TCF3: variants seen among roughly 807,000 people sequenced by gnomAD.
TCF3 encodes the protein transcription factor E2-alpha.
TCF3 carries 54 observed loss-of-function variants against 72.3 expected under a neutral mutation model. That is an observed-to-expected ratio of 0.75 (90% CI 0.60 to 0.94). The LOEUF (loss-of-function observed/expected upper bound fraction) is 0.94, where lower values mean the gene tolerates loss of function less well. Ranked by LOEUF, TCF3 falls within the 40% of genes least tolerant of loss-of-function variation. The probability of loss-of-function intolerance (pLI) is 0.00; values close to 1 mark genes in which losing one functional copy is unlikely to be tolerated. For synonymous variants in TCF3, 525 were observed against 412.6 expected, an observed-to-expected ratio of 1.27 and a Z score of -3.30; for missense variants, 1,078 against 934.4, an observed-to-expected ratio of 1.15 and a Z score of -2.00.
Position 1,621,205 on chromosome 19 carries a change from G to A in TCF3, c.956-14C>T. Reference sequence around the variant, plus strand: ...TCCCTCGGGAGCCTGTGGGTGAAGAGAGGTGAGGCCCACGCAGCCCGGCCT... The same window carrying A: ...TCCCTCGGGAGCCTGTGGGTGAAGAAAGGTGAGGCCCACGCAGCCCGGCCT... On this transcript the variant is annotated splice_polypyrimidine_tract_variant and intron_variant, in intron 11 of 18. Coordinates refer to ENST00000262965, the MANE Select transcript of TCF3 (RefSeq NM_003200.5). 1 of 1,534,414 alleles carries A rather than the reference G, an allele frequency of 6.5e-7. No homozygotes were observed.
Position 1,649,962 on chromosome 19 carries a change from C to A in TCF3, c.72+215G>T, listed in dbSNP as rs182572650. Among the ~76,000 whole-genome samples the A allele has an allele frequency of 5.9e-5, 9 of 152,352 alleles. No homozygotes were observed. In the East Asian group the frequency reaches 1.7e-3, roughly 29 times the overall value. ...CTGTAAAGCAGTAGGCTGTAGAATGCTGCGTCCGGGCAAAAGCCCCATAGC... is the reference window on the plus strand; with the variant it reads ...CTGTAAAGCAGTAGGCTGTAGAATGATGCGTCCGGGCAAAAGCCCCATAGC... On this transcript the variant is annotated intron_variant, in intron 2 of 18. Transcript: ENST00000262965.
In TCF3 at chr19:1,612,195, C is replaced by T. The variant is rs201076693; in HGVS notation, c.1823-346G>A. 8.3e-6 allele frequency: 13 copies of T among 1,564,686 alleles called. No individual in the cohort carries two copies. Among genetic ancestry groups the T allele is most frequent in the African/African-American group, 1.3e-5 (1 of 74,244 alleles). ...GAGAGGGTGCTGGGGCAGCCCTGGC[C>T]GGGGAGCCTACCTCGCACCTGCTGC... is the stretch of plus-strand genomic sequence containing the variant. On this transcript the variant is annotated intron_variant, in intron 18 of 18. Coordinates refer to ENST00000262965, the MANE Select transcript of TCF3 (RefSeq NM_003200.5).
chr19:1,624,386 C>G (rs2062627818), intron 7 of TCF3, among the ~76,000 whole-genome samples: 1 of 152,146 alleles, frequency 6.6e-6, no homozygotes, highest in Non-Finnish European at 1.5e-5. Context: ...CAGAGAAAGA[C>G]TCCGTCTCAA....
chr19:1,649,164 T>C (rs764376231), intron 2 of TCF3, among the ~76,000 whole-genome samples: 1 of 152,212 alleles, frequency 6.6e-6, no homozygotes, highest in Non-Finnish European at 1.5e-5. Context: ...TCCGCAGTGA[T>C]AACCGTGGCA....
intron 3 of TCF3, among the ~76,000 whole-genome samples, chr19:1,640,105 C>T (rs566690889): frequency 3.8e-4 from 58 of 152,296 alleles, no homozygotes; most frequent in African/African-American, 1.4e-3. Flanking sequence ...GCGCCCTCAG[C>T]CTCCCTGCGC....
chr19:1,650,865 C>CG, intron 1 of TCF3: 2 of 225,624 alleles, frequency 8.9e-6, no homozygotes, highest in Non-Finnish European at 8.8e-6. Context: ...CTTAAAGTGC[C>CG]GGGGGTGGGG....
rs1186370674 is a variant in TCF3 at position 1,610,181 on chromosome 19, G to A, written c.*1526C>T. ...GGGTGCTGGGACATGGGACACAGATGGGCCCGAGGGGACACCCTGCTGGTT... is the reference window on the plus strand; with the variant it reads ...GGGTGCTGGGACATGGGACACAGATAGGCCCGAGGGGACACCCTGCTGGTT... On this transcript the variant is annotated 3_prime_UTR_variant, in exon 19 of 19. Coordinates refer to ENST00000262965, the MANE Select transcript of TCF3 (RefSeq NM_003200.5). 1.3e-5 allele frequency: 3 copies of A among 232,210 alleles called. No individual in the cohort carries two copies. The highest frequency in any genetic ancestry group is 1.7e-5 in the Non-Finnish European group (2 of 117,514). 14.4% of individuals were successfully genotyped at this position (232,210 alleles called of 1,614,324 possible).
intron 16 of TCF3, among the ~76,000 whole-genome samples, chr19:1,618,770 C>T (rs1403384102): frequency 6.6e-5 from 10 of 152,238 alleles, no homozygotes; most frequent in Non-Finnish European, 1.5e-4. Flanking sequence ...CTCCCTGGCA[C>T]CTGTACTGTG....
At chr19:1,624,165 A>G (rs767515210) in intron 7 of TCF3, among the ~76,000 whole-genome samples, 165 bp from the exon 8 acceptor site, 3 of 152,194 alleles carry the variant, frequency 2.0e-5, no homozygotes, top group African/African-American at 4.8e-5. Context: ...TGGGAGGCCA[A>G]GGCAGGCAGA....
chr19:1,621,751 C>T (rs1418948159), intron 11 of TCF3, 87 bp downstream of exon 11: 50 of 1,442,986 alleles, frequency 3.5e-5, no homozygotes, highest in Non-Finnish European at 4.3e-5. Context: ...CCTGCGCCTC[C>T]CGTGGAGTCC....
At chr19:1,642,444 A>T (rs964614536) in intron 3 of TCF3, among the ~76,000 whole-genome samples, 10 of 152,198 alleles carry the variant, frequency 6.6e-5, no homozygotes, top group African/African-American at 2.4e-4. Flanking sequence ...GGGGGTGGCT[A>T]GGTGAGAGGA....
At chr19:1,636,310 C>T (rs888766765) in intron 3 of TCF3, among the ~76,000 whole-genome samples, 2 of 152,144 alleles carry the variant, frequency 1.3e-5, no homozygotes, top group African/African-American at 2.4e-5. Flanking sequence ...CAGGAGCCTG[C>T]CACCACGCAC....
chr19:1,615,513 C>T lies in TCF3; in HGVS notation c.1594G>A (p.Glu532Lys), dbSNP rs777462627. ...KAPRARTSPD[E>K]DEDDLLPPEQ... Reference sequence around the variant, plus strand: ...GGGGGGAGAAGGTCGTCCTCGTCCTCGTCTGGGCTATGGGGAGGGCGCCGG... The same window carrying T: ...GGGGGGAGAAGGTCGTCCTCGTCCTTGTCTGGGCTATGGGGAGGGCGCCGG... Residue 532 changes from glutamate to lysine, a missense_variant, in exon 18 of 19, where the codon GAG (glutamate) becomes AAG (lysine). Glu to Lys is a moderately conservative substitution (Grantham distance 56, BLOSUM62 1). Coordinates refer to ENST00000262965, the MANE Select transcript of TCF3 (RefSeq NM_003200.5). This position sits in a 1 kb window ranked among gnomAD's most constrained non-coding sequence, Gnocchi z 7.3. The T allele has an allele frequency of 1.2e-5, 19 of 1,608,144 alleles. No individual in the cohort carries two copies. Among genetic ancestry groups the T allele is most frequent in the East Asian group, 2.2e-5 (1 of 44,864 alleles).
chr19:1,622,183 CG>C lies in TCF3; in HGVS notation c.692del (p.Pro231ArgfsTer53). 2.6e-6 allele frequency: 4 copies of C among 1,567,658 alleles called. No homozygotes were observed. Among genetic ancestry groups the C allele is most frequent in the East Asian group, 2.3e-5 (1 of 42,726 alleles). On this transcript the variant is annotated frameshift_variant, in exon 10 of 19. Coordinates refer to ENST00000262965, the MANE Select transcript of TCF3 (RefSeq NM_003200.5). LOFTEE classifies it high-confidence loss of function. ...LHPSAELWSP[P>X]GQAGFGPMLG... ...GCATGGGCCCGAAGCCCGCCTGGCC[CG>C]GGGGACTCCAGAGCTCGGCTGAGGG...
At chr19:1,632,264 C>T (rs1011791594) in intron 4 of TCF3, 68 bp downstream of exon 4, 1 of 1,548,786 alleles carries the variant, frequency 6.5e-7, no homozygotes, top group Non-Finnish European at 8.7e-7. Flanking sequence ...CCTCAGTTTC[C>T]CCACACCCCT....
At chr19:1,651,971 G>T (rs952607953) in intron 1 of TCF3, among the ~76,000 whole-genome samples, 3 of 150,836 alleles carry the variant, frequency 2.0e-5, no homozygotes, top group Non-Finnish European at 4.4e-5. Context: ...CGCCCGGGCT[G>T]GGGGGGACGG....
intron 16 of TCF3, chr19:1,616,578 C>G (rs985397344): frequency 6.6e-6 from 1 of 152,128 alleles, no homozygotes; most frequent in Admixed American, 6.5e-5. Context: ...AGTCCAAGAG[C>G]TGTCCAAGCA....
At chr19:1,621,693 C>T (rs1236646021) in intron 11 of TCF3, 145 bp downstream of exon 11, 17 of 1,115,970 alleles carry the variant, frequency 1.5e-5, no homozygotes, top group East Asian at 1.3e-4. Flanking sequence ...CTGCAGACAG[C>T]GGACAATGAG....
chr19:1,621,894 G>A lies in TCF3; in HGVS notation c.899C>T (p.Thr300Met), dbSNP rs371336835. Residue 300 changes from threonine to methionine, a missense_variant, in exon 11 of 19, where the codon ACG (threonine) becomes ATG (methionine). Physicochemically the swap from Thr to Met is moderately conservative, Grantham distance 81. Coordinates refer to ENST00000262965, the MANE Select transcript of TCF3 (RefSeq NM_003200.5). ...CGTGTGGCTGGAGACGCCGCCGTAC[G>A]TGGCTCCGGGGGCTGAGGAGAAGGA... is the stretch of plus-strand genomic sequence containing the variant. The part of the protein sequence containing the change: ...ASSFSSAPGA[T>M]YGGVSSHTPP... The A allele has an allele frequency of 2.0e-5, 32 of 1,597,928 alleles. No homozygotes were observed. The highest frequency in any genetic ancestry group is 2.7e-5 in the African/African-American group (2 of 74,764).
Sources: gnomAD v4.1 joint callset for allele counts (sites outside exome capture counted in the v4.1 genomes callset) on GRCh38, gnomAD v4.1.1 for gene constraint, Gnocchi (gnomAD v3.1) non-coding constraint, MANE v1.5 for transcripts, NCBI Gene and HGNC (gene_info 2026-07-23, HGNC 2026-07-21) for gene names.